KCNK2: variants seen among roughly 807,000 people sequenced by gnomAD.
KCNK2 encodes potassium channel subfamily K member 2.
Under a neutral mutation model 40.5 loss-of-function variants are expected in KCNK2, and 21 were observed. The ratio of observed to expected loss-of-function variants is 0.52; its 90% confidence interval spans 0.37 to 0.75. The LOEUF (loss-of-function observed/expected upper bound fraction) is 0.75, where lower values mean the gene tolerates loss of function less well. KCNK2 is among the 30% of genes least tolerant of loss of function. The pLI is 0.00. For missense variants in KCNK2, 399 were observed against 531.6 expected (o/e 0.75, Z 2.45); for synonymous variants, 191 against 202.2 (o/e 0.94, Z 0.47).
chr1:215,148,053 T>C (rs2102608704), intron 3 of KCNK2, among the ~76,000 whole-genome samples: 1 of 150,378 alleles, frequency 6.6e-6, no homozygotes. Context: ...AATGATATTT[T>C]AATTATTATT....
chr1:215,230,189 T>C (rs1047895613), intron 6 of KCNK2, among the ~76,000 whole-genome samples: 5 of 149,010 alleles, frequency 3.4e-5, no homozygotes, highest in African/African-American at 1.2e-4. Context: ...TTAGGCAATT[T>C]CACCATTGTG....
At chr1:215,025,791 T>G (rs1656980814) in intron 1 of KCNK2, among the ~76,000 whole-genome samples, 1 of 152,080 alleles carries the variant, frequency 6.6e-6, no homozygotes, top group Non-Finnish European at 1.5e-5. Context: ...TTTTTGCCAC[T>G]ACAAAGAATG....
chr1:215,006,167 A>G (rs1656121057), intron 1 of KCNK2, among the ~76,000 whole-genome samples: 1 of 152,162 alleles, frequency 6.6e-6, no homozygotes, highest in Non-Finnish European at 1.5e-5. Context: ...TAATTCGGTC[A>G]TGTTTTATAC....
chr1:215,052,559 T>C (rs1342640999), intron 1 of KCNK2, among the ~76,000 whole-genome samples: 3 of 152,162 alleles, frequency 2.0e-5, no homozygotes, highest in Admixed American at 6.5e-5. Flanking sequence ...TCTGAAAATG[T>C]ATGCTCACAT....
chr1:215,164,854 G>T (rs1663371784), intron 3 of KCNK2, among the ~76,000 whole-genome samples: 1 of 152,156 alleles, frequency 6.6e-6, no homozygotes, highest in South Asian at 2.1e-4. Context: ...GTCAACTTGA[G>T]AGATCAGGTC....
intron 1 of KCNK2, among the ~76,000 whole-genome samples, chr1:215,072,679 C>T (rs1284309093): frequency 6.6e-6 from 1 of 152,134 alleles, no homozygotes; most frequent in East Asian, 1.9e-4. Flanking sequence ...GTTGGAAATC[C>T]AGAGATTCTG....
intron 1 of KCNK2, among the ~76,000 whole-genome samples, chr1:215,038,956 T>C (rs1447613965): frequency 6.6e-6 from 1 of 152,058 alleles, no homozygotes; most frequent in Non-Finnish European, 1.5e-5. Context: ...CTCACATTTG[T>C]TGTTGCCATG....
intron 5 of KCNK2, 59 bp downstream of exon 5, chr1:215,172,242 T>G: frequency 6.9e-7 from 1 of 1,446,364 alleles, no homozygotes; most frequent in Non-Finnish European, 9.5e-7. Context: ...GATAGATTTT[T>G]CACTTAGGTT....
chr1:215,089,107 C>T (rs1301007558), intron 2 of KCNK2, among the ~76,000 whole-genome samples: 1 of 152,112 alleles, frequency 6.6e-6, no homozygotes, highest in African/African-American at 2.4e-5. Flanking sequence ...ATTACACTTC[C>T]TTCATATGAT....
chr1:215,057,229 GA>G (rs1447993305), intron 1 of KCNK2, among the ~76,000 whole-genome samples: 1 of 150,048 alleles, frequency 6.7e-6, no homozygotes, highest in East Asian at 2.0e-4. Flanking sequence ...GTGAAGTTGA[GA>G]TATGCATATT....
intron 3 of KCNK2, among the ~76,000 whole-genome samples, chr1:215,156,094 T>TAA (rs913072556): frequency 3.3e-5 from 5 of 152,010 alleles, no homozygotes; most frequent in African/African-American, 1.2e-4. Context: ...TATATATATA[T>TAA]AATGTAATCA....
At chr1:215,115,726 CT>C (rs5780816) in intron 2 of KCNK2, among the ~76,000 whole-genome samples, 143,235 of 150,872 alleles carry the variant, frequency 0.95, 68,429 homozygotes, top group Non-Finnish European at 1. Context: ...TCATGCTTTC[CT>C]TTTTTTTTTA....
At chr1:215,108,040 T>G (rs1660514233) in intron 2 of KCNK2, among the ~76,000 whole-genome samples, 1 of 152,096 alleles carries the variant, frequency 6.6e-6, no homozygotes, top group Admixed American at 6.5e-5. Context: ...CCTCAGATCA[T>G]CAGGCATTAG....
intron 3 of KCNK2, among the ~76,000 whole-genome samples, chr1:215,134,140 C>G (rs536815137): frequency 1.3e-5 from 2 of 151,994 alleles, no homozygotes; most frequent in Non-Finnish European, 2.9e-5. Context: ...TGTGTTCTTA[C>G]GACTTGACAC....
At chr1:215,220,129 T>C (rs4113098) in intron 6 of KCNK2, among the ~76,000 whole-genome samples, 110,735 of 152,174 alleles carry the variant, frequency 0.73, 42,180 homozygotes, top group East Asian at 0.92. Context: ...CTCATGCATA[T>C]GCATATTTCC....
intron 6 of KCNK2, among the ~76,000 whole-genome samples, chr1:215,207,290 G>C (rs1168270047): frequency 6.6e-6 from 1 of 152,128 alleles, no homozygotes; most frequent in African/African-American, 2.4e-5. Context: ...GATTCTCATA[G>C]GAGCGGGAAC....
chr1:215,184,538 G>A (rs1335681883), intron 5 of KCNK2, among the ~76,000 whole-genome samples: 1 of 152,156 alleles, frequency 6.6e-6, no homozygotes, highest in Non-Finnish European at 1.5e-5. Flanking sequence ...TAGACTCATA[G>A]TTCAACATGG....
intron 1 of KCNK2, among the ~76,000 whole-genome samples, chr1:215,018,102 T>C (rs1227329625): frequency 6.6e-6 from 1 of 152,206 alleles, no homozygotes; most frequent in Non-Finnish European, 1.5e-5. Context: ...TGTAATAATA[T>C]GTATGATGTA....
intron 2 of KCNK2, among the ~76,000 whole-genome samples, chr1:215,101,118 T>G (rs1443576598): frequency 1.3e-5 from 2 of 152,182 alleles, no homozygotes; most frequent in East Asian, 3.9e-4. Flanking sequence ...TGTGTTTCTG[T>G]TTTTGAAAGG....
Sources: allele counts gnomAD v4.1 joint callset (sites outside exome capture counted in the v4.1 genomes callset), GRCh38; gene constraint gnomAD v4.1.1; transcripts MANE v1.5; gene names NCBI Gene and HGNC (gene_info 2026-07-23, HGNC 2026-07-21).